Variants in FOXP1 observed in about 807,000 individuals in gnomAD.
The protein encoded by FOXP1 is forkhead box protein P1.
A neutral mutation model predicts 98.2 loss-of-function variants in FOXP1; 15 were observed. The ratio of observed to expected loss-of-function variants is 0.15; its 90% CI spans 0.10 to 0.24. FOXP1 has a LOEUF of 0.24. Ranked by LOEUF, FOXP1 falls within the 10% of genes least tolerant of loss-of-function variation. FOXP1 has a pLI of 1.00. For missense variants in FOXP1, 633 were observed against 848.5 expected, an observed-to-expected ratio of 0.75 and a Z score of 3.15; for synonymous variants, 371 against 314.5, an observed-to-expected ratio of 1.18 and a Z score of -1.90.
intron 2 of FOXP1, among the ~76,000 whole-genome samples, chr3:71,560,256 C>G (rs968533379): frequency 2.0e-5 from 3 of 152,220 alleles, no homozygotes; most frequent in Admixed American, 6.5e-5. Flanking sequence ...ACGATTGACT[C>G]TTCCACAGAC....
At chr3:71,246,274 G>A (rs1486188580) in intron 5 of FOXP1, among the ~76,000 whole-genome samples, 1 of 152,218 alleles carries the variant, frequency 6.6e-6, no homozygotes, top group Non-Finnish European at 1.5e-5. Context: ...AAGGACGGGA[G>A]GACAGGGACA....
chr3:71,134,469 G>A (rs2059721812), intron 6 of FOXP1, among the ~76,000 whole-genome samples: 1 of 152,170 alleles, frequency 6.6e-6, no homozygotes, highest in Admixed American at 6.5e-5. Flanking sequence ...AGGTAGGTAG[G>A]TAGATAGACA....
intron 2 of FOXP1, among the ~76,000 whole-genome samples, chr3:71,504,418 C>T (rs1050749435): frequency 1.3e-5 from 2 of 152,150 alleles, no homozygotes; most frequent in Admixed American, 6.6e-5. Flanking sequence ...CAGCCAGCCA[C>T]GCTCATCTGA....
intron 3 of FOXP1, among the ~76,000 whole-genome samples, chr3:71,383,500 T>G (rs948805757): frequency 1.3e-5 from 2 of 152,196 alleles, no homozygotes; most frequent in African/African-American, 4.8e-5. Flanking sequence ...ATCAACCTAT[T>G]TGATTAAAGG....
chr3:71,297,616 A>T (rs1576834304), intron 5 of FOXP1, among the ~76,000 whole-genome samples: 1 of 135,206 alleles, frequency 7.4e-6, no homozygotes, highest in Non-Finnish European at 1.5e-5. Context: ...GCTTTGTTTA[A>T]TTTTTTTTTT....
chr3:71,321,954 C>A (rs908897302), intron 4 of FOXP1, among the ~76,000 whole-genome samples: 1 of 152,106 alleles, frequency 6.6e-6, no homozygotes, highest in Admixed American at 6.5e-5. Context: ...AAGTTGCCTG[C>A]GTCACTTAAC....
chr3:71,490,423 AG>A (rs1423530989), intron 3 of FOXP1, among the ~76,000 whole-genome samples: 2 of 152,078 alleles, frequency 1.3e-5, no homozygotes, highest in Non-Finnish European at 2.9e-5. Flanking sequence ...ACTTGAACCC[AG>A]GAAGTGGAGG....
chr3:70,996,085 C>T (rs1402796201), intron 13 of FOXP1, among the ~76,000 whole-genome samples: 2 of 152,196 alleles, frequency 1.3e-5, no homozygotes, highest in African/African-American at 2.4e-5. Context: ...CTCCCAGGTT[C>T]AAGCAATTCT....
In FOXP1 at chr3:71,323,615, G is replaced by A. The variant is rs2075522084; in HGVS notation, c.-72-23735C>T. ...TTCAGTTTTAGATGCATTGCCTGCTGCATTCTACGGAGCACCTCGTAAAAA... is the reference window on the plus strand; with the variant it reads ...TTCAGTTTTAGATGCATTGCCTGCTACATTCTACGGAGCACCTCGTAAAAA... On this transcript the variant is annotated intron_variant, in intron 4 of 20. Transcript: ENST00000649528. Among the ~76,000 whole-genome samples the A allele has an allele frequency of 1.3e-5, 2 of 152,168 alleles. 1 individual carries two copies. Among genetic ancestry groups the A allele is most frequent in the South Asian group, 4.1e-4 (2 of 4,828 alleles).
At chr3:71,298,554 T>C (rs2073563034) in intron 5 of FOXP1, among the ~76,000 whole-genome samples, 1 of 152,162 alleles carries the variant, frequency 6.6e-6, no homozygotes, top group South Asian at 2.1e-4. Flanking sequence ...TAATCCCAAT[T>C]ACTGGTTGGG....
At chr3:70,965,262 T>G (rs1301668385) in intron 20 of FOXP1, among the ~76,000 whole-genome samples, 2 of 152,242 alleles carry the variant, frequency 1.3e-5, no homozygotes, top group African/African-American at 4.8e-5. Flanking sequence ...CCGCCTTTCC[T>G]GTGGTTTGCA....
intron 5 of FOXP1, among the ~76,000 whole-genome samples, chr3:71,260,295 T>C (rs938047201): frequency 8.5e-5 from 13 of 152,148 alleles, no homozygotes; most frequent in African/African-American, 2.6e-4. Flanking sequence ...CACTTTCTAA[T>C]ACGTAGGGAA....
chr3:71,388,344 G>A (rs555626888), intron 3 of FOXP1, among the ~76,000 whole-genome samples: 1 of 152,272 alleles, frequency 6.6e-6, no homozygotes, highest in African/African-American at 2.4e-5. Flanking sequence ...CTATATAGAT[G>A]GCTTTCTACT....
chr3:71,423,683 TG>T (rs2083850348), intron 3 of FOXP1, among the ~76,000 whole-genome samples: 1 of 152,238 alleles, frequency 6.6e-6, no homozygotes, highest in Admixed American at 6.5e-5. Flanking sequence ...CAGGCTGGCC[TG>T]TGTGGATTTC....
At chr3:71,288,888 G>C (rs977151601) in intron 5 of FOXP1, among the ~76,000 whole-genome samples, 1 of 152,166 alleles carries the variant, frequency 6.6e-6, no homozygotes, top group African/African-American at 2.4e-5. Flanking sequence ...TATGATAGGA[G>C]TGAGATTCAA....
chr3:71,385,390 T>C (rs1324659961), intron 3 of FOXP1, among the ~76,000 whole-genome samples: 1 of 152,204 alleles, frequency 6.6e-6, no homozygotes, highest in Non-Finnish European at 1.5e-5. Flanking sequence ...ATTCTGCGTG[T>C]TGGCCTGAAC....
chr3:71,580,330 C>CAACT, intron 2 of FOXP1, among the ~76,000 whole-genome samples: 1 of 150,908 alleles, frequency 6.6e-6, no homozygotes, highest in African/African-American at 2.4e-5. Context: ...TGAATGGTAA[C>CAACT]TAGTTGAGTT....
chr3:71,356,680 T>G (rs2078181867), intron 4 of FOXP1, among the ~76,000 whole-genome samples: 1 of 152,164 alleles, frequency 6.6e-6, no homozygotes, highest in Non-Finnish European at 1.5e-5. Flanking sequence ...GTAACTTGCC[T>G]AGGGTTGTTC....
chr3:71,484,341 A>T (rs1290097158), intron 3 of FOXP1, among the ~76,000 whole-genome samples: 1 of 152,154 alleles, frequency 6.6e-6, no homozygotes, highest in Admixed American at 6.5e-5. Flanking sequence ...CTAAGTAAAA[A>T]CTCTAATACT....
Sources: gnomAD v4.1 joint callset for allele counts (sites outside exome capture counted in the v4.1 genomes callset) on GRCh38, gnomAD v4.1.1 for gene constraint, MANE v1.5 for transcripts, NCBI Gene and HGNC (gene_info 2026-07-23, HGNC 2026-07-21) for gene names.